Variants in PPP2R1B observed in about 807,000 individuals in gnomAD.
The protein encoded by PPP2R1B is serine/threonine-protein phosphatase 2A 65 kDa regulatory subunit A beta isoform.
In PPP2R1B, 58 loss-of-function variants were observed where a neutral mutation model predicts 72.7. That is an observed-to-expected ratio of 0.80 (90% CI 0.65 to 0.99). The LOEUF is 0.99. Ranked by LOEUF, PPP2R1B falls within the 50% of genes least tolerant of loss-of-function variation. The pLI is 0.00. For synonymous variants in PPP2R1B, 256 were observed against 264.6 expected (o/e 0.97, Z 0.32); for missense variants, 695 against 733.6 (o/e 0.95, Z 0.61).
chr11:111,705,062 A>T, the PPP2R1B span: 1 of 1,610,786 alleles, frequency 6.2e-7, no homozygotes, highest in Non-Finnish European at 8.5e-7. The surrounding 1 kb of genome is among the most constrained non-coding windows in gnomAD (Gnocchi z 4.3). Context: ...ATCACATCGG[A>T]GCAGTTTCCC....
In PPP2R1B at chr11:111,738,552, G is replaced by A. The variant is rs1944410462; in HGVS notation, c.*3044C>T. 1 of 985,524 alleles carries A rather than the reference G, an allele frequency of 1.0e-6. No homozygotes were observed. Among genetic ancestry groups the A allele is most frequent in the South Asian group, 4.7e-5 (1 of 21,292 alleles). The allele number at this position is 985,524 out of a possible 1,614,324, so 61.0% of individuals were successfully genotyped here. On this transcript the variant is annotated 3_prime_UTR_variant, in exon 15 of 15. Transcript: ENST00000527614. ...GAATGCCTGGACAAGCCAGCTCAAA[G>A]GTCAGGCTGCCGTCTCTGTTGAGTC... is the stretch of plus-strand genomic sequence containing the variant.
At chr11:111,742,712 C>A in intron 12 of PPP2R1B, 47 bp from the exon 13 acceptor site, 1 of 1,473,572 alleles carries the variant, frequency 6.8e-7, no homozygotes, top group Admixed American at 2.3e-5. Flanking sequence ...TTAAAAAATT[C>A]CAAAATCTAA....
chr11:111,720,265 C>G, the PPP2R1B span, among the ~76,000 whole-genome samples: 2 of 152,154 alleles, frequency 1.3e-5, no homozygotes, highest in Admixed American at 1.3e-4. Flanking sequence ...CTCTTTTGGA[C>G]TGGCTGAGAT....
At position 111,765,366 on chromosome 11, in the gene PPP2R1B, T is replaced by C. The variant is rs1209722080; in HGVS notation, c.133A>G (p.Lys45Glu). 1.9e-6 allele frequency: 3 copies of C among 1,612,824 alleles called. No homozygotes were observed. Among genetic ancestry groups the C allele is most frequent in the Non-Finnish European group, 2.5e-6 (3 of 1,179,268 alleles). ...GCTAGGGCAATTGTTGATAACTTCT[T>C]AATACTGTTGAGTCGGAGCTTCAGA... is the stretch of plus-strand genomic sequence containing the variant. ...EDVQLRLNSIKKLSTIALALG... is the reference protein window; with the variant it reads ...EDVQLRLNSIEKLSTIALALG... The change falls in exon 2 of 15, where the codon AAG (lysine) becomes GAG (glutamate). Residue 45 changes from lysine to glutamate, a missense_variant. Transcript: ENST00000527614.
At position 111,748,013 on chromosome 11, in the gene PPP2R1B, C is replaced by A. The variant is rs116094385; in HGVS notation, c.1340G>T (p.Gly447Val). 4 of 1,612,486 alleles carry A rather than the reference C, an allele frequency of 2.5e-6. No individual in the cohort carries two copies. The highest frequency in any genetic ancestry group is 4.5e-5 in the East Asian group (2 of 44,844). Residue 447 changes from glycine (G) to valine (V), a missense_variant and splice_region_variant, in exon 11 of 15, where the codon GGT becomes GTT. Physicochemically the swap from Gly to Val is moderately radical, Grantham distance 109. Coordinates refer to ENST00000527614, the MANE Select transcript of PPP2R1B (RefSeq NM_002716.5). ...CAGCTTTTCATCAAAGAATTCCACA[C>A]CCTACAGATACAGAAGATTCCATTA... The part of the protein sequence containing the change: ...EYMPLLAGQL[G>V]VEFFDEKLNS...
the PPP2R1B span, chr11:111,720,794 C>G: frequency 1.9e-6 from 3 of 1,569,140 alleles, no homozygotes; most frequent in African/African-American, 4.1e-5. Context: ...TTTTGAAACT[C>G]GCGTCGTAGG....
chr11:111,716,410 C>G, the PPP2R1B span, among the ~76,000 whole-genome samples: 17 of 139,926 alleles, frequency 1.2e-4, 1 homozygote, highest in African/African-American at 3.9e-4. Context: ...AACCCCAACT[C>G]TACTAAAAAT....
the PPP2R1B span, chr11:111,701,029 G>C: frequency 2.5e-6 from 4 of 1,611,938 alleles, no homozygotes; most frequent in South Asian, 1.1e-5. This position sits in a 1 kb window ranked among gnomAD's most constrained non-coding sequence, Gnocchi z 4.2. Context: ...TTGCTTTGCT[G>C]TGTTGTTAAA....
downstream of PPP2R1B, chr11:111,723,621 C>G: frequency 2.5e-6 from 4 of 1,614,196 alleles, no homozygotes; most frequent in Non-Finnish European, 3.4e-6. Context: ...CGCCAGGAGA[C>G]TCCACCGCCT....
the PPP2R1B span, among the ~76,000 whole-genome samples, chr11:111,697,082 T>A: frequency 6.6e-6 from 1 of 152,168 alleles, no homozygotes; most frequent in Admixed American, 6.5e-5. Context: ...GTGAGAGACA[T>A]AAAGGTGGTG....
At chr11:111,722,856 GA>G (rs1309892500), downstream of PPP2R1B, 1 of 1,102,198 alleles carries the variant, frequency 9.1e-7, no homozygotes, top group Non-Finnish European at 1.3e-6. This position sits in a 1 kb window ranked among gnomAD's most constrained non-coding sequence, Gnocchi z 4.4. Context: ...CCACTACTAG[GA>G]AAATAGGTTT....
intron 12 of PPP2R1B, among the ~76,000 whole-genome samples, chr11:111,742,940 C>T (rs1025341564): frequency 1.3e-5 from 2 of 150,706 alleles, no homozygotes; most frequent in Non-Finnish European, 2.9e-5. Flanking sequence ...AGTGTAGTGG[C>T]GCGATCTCAG....
At chr11:111,762,220 G>A (rs1176284963) in intron 3 of PPP2R1B, among the ~76,000 whole-genome samples, 1 of 152,170 alleles carries the variant, frequency 6.6e-6, no homozygotes, top group Admixed American at 6.5e-5. Flanking sequence ...GAGTGAAACA[G>A]AAGCATAATG....
At chr11:111,720,286 C>A in the PPP2R1B span, among the ~76,000 whole-genome samples, 1 of 152,120 alleles carries the variant, frequency 6.6e-6, no homozygotes, top group Non-Finnish European at 1.5e-5. Flanking sequence ...CTTACAGATG[C>A]CACTTCTGGA....
At position 111,741,297 on chromosome 11, in the gene PPP2R1B, T is replaced by C; in HGVS notation, c.*299A>G. 1.7e-6 allele frequency: 2 copies of C among 1,196,504 alleles called. No homozygotes were observed. The highest frequency in any genetic ancestry group is 2.1e-6 in the Non-Finnish European group (2 of 962,552). The allele number at this position is 1,196,504 out of a possible 1,614,324, so 74.1% of individuals were successfully genotyped here. ...GAACATTATGTGGCTGGTGCCTGATTCCACAGTGAGGATGCAGGAGCCCAG... is the reference window on the plus strand; with the variant it reads ...GAACATTATGTGGCTGGTGCCTGATCCCACAGTGAGGATGCAGGAGCCCAG... On this transcript the variant is annotated 3_prime_UTR_variant, in exon 15 of 15. Coordinates refer to ENST00000527614, the MANE Select transcript of PPP2R1B (RefSeq NM_002716.5).
the PPP2R1B span, chr11:111,721,130 T>C: frequency 6.7e-7 from 1 of 1,502,778 alleles, no homozygotes; most frequent in Non-Finnish European, 8.9e-7. Flanking sequence ...CTGAAGATGG[T>C]CATTTTCACT....
the PPP2R1B span, among the ~76,000 whole-genome samples, chr11:111,714,027 G>C: frequency 6.6e-6 from 1 of 152,188 alleles, no homozygotes; most frequent in Non-Finnish European, 1.5e-5. Flanking sequence ...GAACGAGGCA[G>C]GGGAAGTTGC....
At chr11:111,722,633 G>T (rs1306387922), downstream of PPP2R1B, 9 of 1,602,002 alleles carry the variant, frequency 5.6e-6, no homozygotes, top group Non-Finnish European at 7.7e-6. The surrounding 1 kb of genome is among the most constrained non-coding windows in gnomAD (Gnocchi z 4.4). Context: ...ACAGCACATT[G>T]TCACGCTCAT....
the PPP2R1B span, among the ~76,000 whole-genome samples, chr11:111,691,399 T>C: frequency 1.3e-5 from 2 of 152,186 alleles, no homozygotes; most frequent in Admixed American, 1.3e-4. Flanking sequence ...GGGAGCCGCT[T>C]AGCTATTGCC....
Sources: allele counts gnomAD v4.1 joint callset (sites outside exome capture counted in the v4.1 genomes callset), GRCh38; gene constraint gnomAD v4.1.1; non-coding constraint Gnocchi (gnomAD v3.1); transcripts MANE v1.5; gene names NCBI Gene and HGNC (gene_info 2026-07-23, HGNC 2026-07-21).